Variants in ROR1 observed in about 807,000 individuals in gnomAD.
ROR1 encodes the protein ROR family WNT receptor 1.
ROR1 carries 19 observed loss-of-function variants against 78.8 expected under a neutral mutation model. The ratio of observed to expected loss-of-function variants is 0.24; its 90% CI spans 0.17 to 0.35. ROR1 has a LOEUF of 0.35. ROR1 is among the 10% of genes least tolerant of loss of function. The pLI is 1.00. For missense variants in ROR1, 917 were observed against 1,177.8 expected, an observed-to-expected ratio of 0.78 and a Z score of 3.24; for synonymous variants, 386 against 433.6, an observed-to-expected ratio of 0.89 and a Z score of 1.36.
intron 1 of ROR1, among the ~76,000 whole-genome samples, chr1:63,834,567 C>G (rs548140564): frequency 6.6e-6 from 1 of 152,114 alleles, no homozygotes; most frequent in African/African-American, 2.4e-5. Context: ...TTAATGTTAT[C>G]TCTTTTTGTT....
At chr1:64,112,980 T>G (rs916008117) in intron 4 of ROR1, among the ~76,000 whole-genome samples, 1 of 152,146 alleles carries the variant, frequency 6.6e-6, no homozygotes, top group African/African-American at 2.4e-5. Context: ...AATAAGCATG[T>G]GATAAATTGG....
intron 8 of ROR1, among the ~76,000 whole-genome samples, chr1:64,169,633 T>G (rs1454254695): frequency 1.3e-5 from 2 of 152,050 alleles, no homozygotes; most frequent in Non-Finnish European, 2.9e-5. Context: ...AATCATCCCC[T>G]CCCAAAAGTC....
chr1:64,128,347 TAGTTAC>T (rs1284141956), intron 4 of ROR1, among the ~76,000 whole-genome samples: 2 of 150,710 alleles, frequency 1.3e-5, no homozygotes, highest in Non-Finnish European at 2.9e-5. Context: ...CACAAGCCTG[TAGTTAC>T]AGCTACTCAG....
rs144976166 is a variant in ROR1 at position 63,969,172 on chromosome 1, G to A, written c.92-40133G>A. Among the ~76,000 whole-genome samples the A allele has an allele frequency of 7.9e-3, 1,195 of 152,214 alleles. 13 individuals carry two copies. The highest frequency in any genetic ancestry group is 0.034 in the Middle Eastern group (10 of 294). ...TATTTACTGAGTTGCTGCTTTTTGT[G>A]CCAGGTGCTGGGAATAAAAGAATGA... On this transcript the variant is annotated intron_variant, in intron 1 of 8. Coordinates refer to ENST00000371079, the MANE Select transcript of ROR1 (RefSeq NM_005012.4).
chr1:63,822,632 T>C (rs1048356470), intron 1 of ROR1, among the ~76,000 whole-genome samples: 2 of 152,226 alleles, frequency 1.3e-5, no homozygotes, highest in Non-Finnish European at 2.9e-5. Flanking sequence ...ATAACTTGCT[T>C]TCCTCCCACT....
In ROR1 at chr1:64,009,386, G is replaced by T; in HGVS notation, c.163+10G>T. ...AGTGAACTCAACAAAGGTACACAGT[G>T]GGGGCACACAGGGGAGGCGAGGAAA... On this transcript the variant is annotated intron_variant, in intron 2 of 8. Coordinates refer to ENST00000371079, the MANE Select transcript of ROR1 (RefSeq NM_005012.4). The T allele has an allele frequency of 1.2e-6, 2 of 1,606,458 alleles. No homozygotes were observed. The highest frequency in any genetic ancestry group is 2.2e-5 in the East Asian group (1 of 44,836).
In ROR1 at chr1:63,774,380, TG is replaced by T; in HGVS notation, c.-35del. The T allele has an allele frequency of 8.2e-7, 1 of 1,225,826 alleles. No homozygotes were observed. Among genetic ancestry groups the T allele is most frequent in the Non-Finnish European group, 1.0e-6 (1 of 965,574 alleles). 75.9% of individuals were successfully genotyped at this position (1,225,826 alleles called of 1,614,324 possible). A position where few individuals can be genotyped will look rare whatever the true frequency, so the allele number is the denominator to read the frequency against. ...GCCCGTGGATGTTCTGCGCGCGGCC[TG>T]GGAGCCGCCGCCGCCGCCGCCTCAG... is the stretch of plus-strand genomic sequence containing the variant. On this transcript the variant is annotated 5_prime_UTR_variant, in exon 1 of 9. Transcript: ENST00000371079. The surrounding 1 kb of genome is among the most constrained non-coding windows in gnomAD (Gnocchi z 5.7).
chr1:63,809,267 G>C (rs923986619), intron 1 of ROR1, among the ~76,000 whole-genome samples: 8 of 152,160 alleles, frequency 5.3e-5, no homozygotes, highest in African/African-American at 1.9e-4. Flanking sequence ...GCCATCAAGA[G>C]GGAGATGAAG....
chr1:64,123,143 C>A (rs995984864), intron 4 of ROR1, among the ~76,000 whole-genome samples: 2 of 152,044 alleles, frequency 1.3e-5, no homozygotes, highest in Admixed American at 1.3e-4. Context: ...TGCTTTAAGC[C>A]TGCCACTCTG....
At chr1:63,955,610 T>C (rs1389425529) in intron 1 of ROR1, among the ~76,000 whole-genome samples, 2 of 152,150 alleles carry the variant, frequency 1.3e-5, no homozygotes. Context: ...TTGTGTTTCT[T>C]TTCTTCTTAT....
At chr1:63,866,128 C>A (rs1557534714) in intron 1 of ROR1, among the ~76,000 whole-genome samples, 1 of 152,084 alleles carries the variant, frequency 6.6e-6, no homozygotes, top group Admixed American at 6.6e-5. Context: ...GGTGCCCCCC[C>A]AGCACCAGTG....
intron 2 of ROR1, among the ~76,000 whole-genome samples, chr1:64,041,540 A>G (rs1481620762): frequency 2.0e-5 from 3 of 152,206 alleles, no homozygotes; most frequent in Non-Finnish European, 4.4e-5. Flanking sequence ...GGAAAGAACT[A>G]TAAAGGTGGC....
At chr1:63,983,063 C>T (rs1006398839) in intron 1 of ROR1, among the ~76,000 whole-genome samples, 12 of 152,216 alleles carry the variant, frequency 7.9e-5, no homozygotes, top group African/African-American at 2.9e-4. Context: ...TATTTGCAAA[C>T]AACATAAGAA....
At chr1:63,975,595 A>C (rs1043994860) in intron 1 of ROR1, among the ~76,000 whole-genome samples, 8 of 152,168 alleles carry the variant, frequency 5.3e-5, no homozygotes, top group African/African-American at 1.9e-4. Context: ...CAGAAAAATC[A>C]TGGGATGCTG....
chr1:63,875,329 A>G (rs1645278328), intron 1 of ROR1, among the ~76,000 whole-genome samples: 2 of 152,144 alleles, frequency 1.3e-5, no homozygotes, highest in African/African-American at 4.8e-5. Flanking sequence ...TTACTATCTG[A>G]AGTGCAGTTA....
At chr1:64,168,521 G>C (rs953523358) in intron 8 of ROR1, among the ~76,000 whole-genome samples, 2 of 152,082 alleles carry the variant, frequency 1.3e-5, no homozygotes, top group African/African-American at 4.8e-5. Flanking sequence ...ATAGTAGTCT[G>C]TATGTATATT....
intron 4 of ROR1, among the ~76,000 whole-genome samples, chr1:64,125,493 G>T (rs1569814031): frequency 6.6e-6 from 1 of 152,138 alleles, no homozygotes; most frequent in South Asian, 2.1e-4. Context: ...TAGGTTAGGG[G>T]TGTTTAGTAA....
intron 4 of ROR1, among the ~76,000 whole-genome samples, chr1:64,069,587 A>G (rs543722712): frequency 6.6e-6 from 1 of 152,216 alleles, no homozygotes; most frequent in East Asian, 1.9e-4. Flanking sequence ...TTAAAGAGAA[A>G]GGGTAAATTG....
intron 1 of ROR1, among the ~76,000 whole-genome samples, chr1:63,961,151 C>T (rs887856270): frequency 6.6e-6 from 1 of 151,924 alleles, no homozygotes; most frequent in South Asian, 2.1e-4. Flanking sequence ...TCCCCTTAAG[C>T]TCCTTTAATA....
Sources: allele counts gnomAD v4.1 joint callset (sites outside exome capture counted in the v4.1 genomes callset), GRCh38; gene constraint gnomAD v4.1.1; non-coding constraint Gnocchi (gnomAD v3.1); transcripts MANE v1.5; gene names NCBI Gene and HGNC (gene_info 2026-07-23, HGNC 2026-07-21).